The following GPC5 variants were observed in gnomAD, a reference collection of about 807,000 sequenced individuals.
The protein encoded by GPC5 is glypican-5.
In GPC5, 47 loss-of-function variants were observed where a neutral mutation model predicts 53.9. The observed-to-expected ratio is 0.87, with a 90% confidence interval of 0.69 to 1.11. GPC5 has a LOEUF of 1.11. GPC5 is among the 50% of genes most tolerant of loss of function. The probability of loss-of-function intolerance (pLI) is 0.00; values close to 1 mark genes in which losing one functional copy is unlikely to be tolerated. For missense variants in GPC5, 748 were observed against 713.1 expected (o/e 1.05, Z -0.56); for synonymous variants, 286 against 263.3 (o/e 1.09, Z -0.84).
intron 6 of GPC5, among the ~76,000 whole-genome samples, chr13:92,072,266 A>T (rs775660023): frequency 1.1e-4 from 17 of 150,296 alleles, no homozygotes; most frequent in Non-Finnish European, 2.4e-4. Context: ...TTTTAATTTT[A>T]TTATTATTAT....
chr13:91,613,645 CTACA>C (rs1158650926), intron 2 of GPC5, among the ~76,000 whole-genome samples: 1 of 152,046 alleles, frequency 6.6e-6, no homozygotes, highest in Non-Finnish European at 1.5e-5. Context: ...ACAGAAAAAA[CTACA>C]AGGAAGAAGA....
chr13:92,138,246 C>T (rs766656667), intron 6 of GPC5, among the ~76,000 whole-genome samples: 43 of 152,084 alleles, frequency 2.8e-4, no homozygotes, highest in Admixed American at 3.9e-4. Flanking sequence ...CTTGGCCAGG[C>T]GCAGTGGCTC....
chr13:92,357,880 G>C (rs2043535671), intron 7 of GPC5, among the ~76,000 whole-genome samples: 1 of 151,080 alleles, frequency 6.6e-6, no homozygotes. Flanking sequence ...GATATGGGGG[G>C]GGACACAAAT....
chr13:91,971,934 T>G (rs2040246223), intron 6 of GPC5, among the ~76,000 whole-genome samples: 1 of 152,192 alleles, frequency 6.6e-6, no homozygotes, highest in Admixed American at 6.5e-5. Flanking sequence ...GGAAAAAATG[T>G]ATATTCTGTT....
intron 5 of GPC5, among the ~76,000 whole-genome samples, chr13:91,803,578 C>G (rs2038169741): frequency 6.6e-6 from 1 of 152,118 alleles, no homozygotes; most frequent in Non-Finnish European, 1.5e-5. Context: ...GTCCCATACA[C>G]AAGATGATGT....
chr13:91,881,182 T>C (rs1180259602), intron 5 of GPC5, among the ~76,000 whole-genome samples: 1 of 152,148 alleles, frequency 6.6e-6, no homozygotes, highest in Non-Finnish European at 1.5e-5. Flanking sequence ...TATATTTTAT[T>C]CTCTAAACAA....
At chr13:91,877,630 C>A (rs1001708220) in intron 5 of GPC5, among the ~76,000 whole-genome samples, 1 of 152,140 alleles carries the variant, frequency 6.6e-6, no homozygotes, top group African/African-American at 2.4e-5. Flanking sequence ...TGATTACAGG[C>A]TTATAGGTGG....
chr13:92,803,053 C>T (rs60229870), intron 7 of GPC5, among the ~76,000 whole-genome samples: 13,380 of 151,864 alleles, frequency 0.088, 624 homozygotes, highest in African/African-American at 0.13. Context: ...CCCATTCCCC[C>T]AAATTTTAAT....
At position 91,399,060 on chromosome 13, in the gene GPC5, C is replaced by A. The variant is rs757933862; in HGVS notation, c.14C>A (p.Thr5Asn). The change falls in exon 1 of 8, where the codon ACC becomes AAC. Residue 5 changes from threonine to asparagine, a missense_variant. Thr to Asn is a moderately conservative substitution (Grantham distance 65, BLOSUM62 0). Coordinates refer to ENST00000377067, the MANE Select transcript of GPC5 (RefSeq NM_004466.6). MDAQTWPVGFRCLLL... is the reference protein window; with the variant it reads MDAQNWPVGFRCLLL... The stretch of plus-strand genomic sequence containing the variant: ...AGGACGGCGAGGATGGACGCACAGA[C>A]CTGGCCCGTGGGCTTTCGCTGCCTC... 8 of 1,560,680 alleles carry A rather than the reference C, an allele frequency of 5.1e-6. No homozygotes were observed. Among genetic ancestry groups the A allele is most frequent in the Non-Finnish European group, 5.2e-6 (6 of 1,152,732 alleles).
intron 5 of GPC5, among the ~76,000 whole-genome samples, chr13:91,838,892 G>A (rs1018798483): frequency 3.3e-5 from 5 of 152,044 alleles, no homozygotes; most frequent in African/African-American, 1.2e-4. Flanking sequence ...TTTTAAAAAT[G>A]TATCTCAAGA....
At chr13:91,558,025 A>G (rs1307433498) in intron 2 of GPC5, among the ~76,000 whole-genome samples, 4 of 152,144 alleles carry the variant, frequency 2.6e-5, no homozygotes, top group African/African-American at 9.6e-5. Context: ...AAAAGCTCAA[A>G]AGATAAAAGT....
intron 7 of GPC5, among the ~76,000 whole-genome samples, chr13:92,491,116 A>G (rs1879744887): frequency 6.6e-6 from 1 of 152,096 alleles, no homozygotes; most frequent in Non-Finnish European, 1.5e-5. Flanking sequence ...TCAATTGCTG[A>G]TTATTTCAGA....
At chr13:92,468,616 G>A (rs9584029) in intron 7 of GPC5, among the ~76,000 whole-genome samples, 2,400 of 152,122 alleles carry the variant, frequency 0.016, 58 homozygotes, top group African/African-American at 0.053. Context: ...ATACTTTTAC[G>A]AGAAGAATAC....
intron 2 of GPC5, chr13:91,486,747 T>A (rs1883629426): frequency 6.6e-6 from 1 of 152,218 alleles, no homozygotes; most frequent in South Asian, 2.1e-4. Context: ...GGATGTCTAT[T>A]ACTTAGTATG....
At chr13:92,471,510 CTTTTATTGCAT>C (rs1454418993) in intron 7 of GPC5, among the ~76,000 whole-genome samples, 1 of 146,174 alleles carries the variant, frequency 6.8e-6, no homozygotes, top group Non-Finnish European at 1.5e-5. Flanking sequence ...CCCTGGAGTC[CTTTTATTGCAT>C]TTATAATAAG....
At chr13:92,224,834 G>T (rs1185308618) in intron 7 of GPC5, among the ~76,000 whole-genome samples, 1 of 152,134 alleles carries the variant, frequency 6.6e-6, no homozygotes, top group Non-Finnish European at 1.5e-5. Context: ...GCTTGTGCCT[G>T]GTTTCTTACA....
At chr13:92,194,333 G>A (rs1396740489) in intron 7 of GPC5, among the ~76,000 whole-genome samples, 1 of 152,178 alleles carries the variant, frequency 6.6e-6, no homozygotes, top group Non-Finnish European at 1.5e-5. Context: ...TTCAGAAGGT[G>A]TGTGATGCAT....
At chr13:92,008,831 G>A (rs2040634433) in intron 6 of GPC5, among the ~76,000 whole-genome samples, 1 of 152,000 alleles carries the variant, frequency 6.6e-6, no homozygotes, top group Admixed American at 6.6e-5. Flanking sequence ...TTGTCTCATA[G>A]GTTAGTATGC....
At chr13:91,534,890 C>A (rs1318140210) in intron 2 of GPC5, among the ~76,000 whole-genome samples, 1 of 152,134 alleles carries the variant, frequency 6.6e-6, no homozygotes, top group Non-Finnish European at 1.5e-5. Flanking sequence ...ATATTCTGAT[C>A]CCCGTTCTTC....
Sources: gnomAD v4.1 joint callset for allele counts (sites outside exome capture counted in the v4.1 genomes callset) on GRCh38, gnomAD v4.1.1 for gene constraint, MANE v1.5 for transcripts, NCBI Gene and HGNC (gene_info 2026-07-23, HGNC 2026-07-21) for gene names.